The following NECTIN3 variants were observed in gnomAD, a reference collection of about 807,000 sequenced individuals.
NECTIN3 encodes nectin-3.
NECTIN3 carries 8 observed loss-of-function variants against 49.4 expected under a neutral mutation model. The observed-to-expected ratio is 0.16, with a 90% CI of 0.10 to 0.29. The LOEUF is 0.29. Among genes scored for constraint, NECTIN3 ranks in the 10% least tolerant of loss-of-function variants. The pLI is 1.00. For missense variants in NECTIN3, 581 were observed against 654.6 expected, an observed-to-expected ratio of 0.89 and a Z score of 1.23; for synonymous variants, 277 against 241.1, an observed-to-expected ratio of 1.15 and a Z score of -1.38.
chr3:111,164,509 C>T (rs985060927), intron 7 of NECTIN3, among the ~76,000 whole-genome samples: 8 of 152,074 alleles, frequency 5.3e-5, no homozygotes, highest in Non-Finnish European at 2.9e-5. Flanking sequence ...GTACCAAAAA[C>T]TGGGTGACTT....
Position 111,136,862 on chromosome 3 carries a change from G to C in NECTIN3, c.*2647G>C, listed in dbSNP as rs2034595107. The C allele has an allele frequency of 2.1e-6, 2 of 962,280 alleles. No individual in the cohort carries two copies. The highest frequency in any genetic ancestry group is 1.8e-5 in the African/African-American group (1 of 56,614). The allele number at this position is 962,280 out of a possible 1,614,324, so 59.6% of individuals were successfully genotyped here. A position where few individuals can be genotyped will look rare whatever the true frequency, so the allele number is the denominator to read the frequency against. On this transcript the variant is annotated 3_prime_UTR_variant, in exon 6 of 6. Coordinates refer to ENST00000485303, the MANE Select transcript of NECTIN3 (RefSeq NM_015480.3). ...CTGCCATTTTTTATTAAAATACATT[G>C]AAACTAAAGTAGGCTCGGGGTTAAC...
At chr3:111,186,818 T>C (rs931911079) in intron 7 of NECTIN3, among the ~76,000 whole-genome samples, 23 of 152,122 alleles carry the variant, frequency 1.5e-4, no homozygotes, top group African/African-American at 5.6e-4. Flanking sequence ...TACATGTAAG[T>C]AGAGAAGTTG....
intron 7 of NECTIN3, among the ~76,000 whole-genome samples, chr3:111,172,080 C>G (rs2035443637): frequency 6.6e-6 from 1 of 152,134 alleles, no homozygotes; most frequent in African/African-American, 2.4e-5. Context: ...TATTTTAAGA[C>G]TTTTCTCCAT....
chr3:111,080,509 G>T (rs138864447), intron 1 of NECTIN3, among the ~76,000 whole-genome samples: 3 of 152,124 alleles, frequency 2.0e-5, no homozygotes, highest in African/African-American at 7.2e-5. Context: ...CTGTTGCTTT[G>T]CTGCCCTCTA....
chr3:111,177,922 T>C (rs1452538806), intron 7 of NECTIN3, among the ~76,000 whole-genome samples: 2 of 152,230 alleles, frequency 1.3e-5, no homozygotes, highest in Non-Finnish European at 2.9e-5. Context: ...CTATCTGCTT[T>C]AATTAGGTAC....
At chr3:111,182,168 G>A (rs67209183) in intron 7 of NECTIN3, among the ~76,000 whole-genome samples, 44,261 of 151,628 alleles carry the variant, frequency 0.29, 12,276 homozygotes, top group African/African-American at 0.71. Context: ...TTTATTTTTC[G>A]TTAATTTTTT....
chr3:111,158,359 G>A (rs1165889992), intron 7 of NECTIN3, among the ~76,000 whole-genome samples: 3 of 151,966 alleles, frequency 2.0e-5, no homozygotes, highest in African/African-American at 4.8e-5. Context: ...GGCACTTTAC[G>A]GAAGGTAATA....
rs1056635093 is a variant in NECTIN3 at position 111,072,655 on chromosome 3, C to A, written c.160+478C>A. 34 of 1,332,956 alleles carry A rather than the reference C, an allele frequency of 2.6e-5. No individual in the cohort carries two copies. The African/African-American group carries it at 4.4e-4, about 17-fold the overall frequency. The allele number at this position is 1,332,956 out of a possible 1,614,324, so 82.6% of individuals were successfully genotyped here. On this transcript the variant is annotated intron_variant, in intron 1 of 5. Transcript: ENST00000485303. ...ATGGCCTTCCACCCTGGAGAAGGCACCATTTTAGCCCACCCAGCCGCAGAA... is the reference window on the plus strand; with the variant it reads ...ATGGCCTTCCACCCTGGAGAAGGCAACATTTTAGCCCACCCAGCCGCAGAA...
At chr3:111,186,448 A>G (rs980965256) in intron 7 of NECTIN3, among the ~76,000 whole-genome samples, 7 of 152,182 alleles carry the variant, frequency 4.6e-5, no homozygotes, top group Non-Finnish European at 8.8e-5. Flanking sequence ...AACAAAAAAC[A>G]AGCAATGAGG....
At chr3:111,133,584 T>C (rs777195960) in intron 5 of NECTIN3, 51 bp from the exon 6 acceptor site, 14 of 1,560,144 alleles carry the variant, frequency 9.0e-6, no homozygotes, top group African/African-American at 2.7e-5. Flanking sequence ...TCAGCCTGCA[T>C]TGACATTCTT....
upstream of NECTIN3, among the ~76,000 whole-genome samples, chr3:111,189,721 A>G (rs1278307530): frequency 6.6e-6 from 1 of 152,222 alleles, no homozygotes; most frequent in Non-Finnish European, 1.5e-5. Flanking sequence ...TTCCTGAGGC[A>G]CAGTGCAAAA....
chr3:111,169,368 A>C (rs2035390568), intron 7 of NECTIN3, among the ~76,000 whole-genome samples: 1 of 142,654 alleles, frequency 7.0e-6, no homozygotes, highest in African/African-American at 2.7e-5. Flanking sequence ...GGGATTACAA[A>C]CGCAAACTTT....
intron 1 of NECTIN3, chr3:111,072,542 G>T: frequency 6.5e-7 from 1 of 1,535,788 alleles, no homozygotes; most frequent in Non-Finnish European, 8.7e-7. Flanking sequence ...CACGTTTGCC[G>T]CTTTTTTTCC....
chr3:111,098,308 T>C (rs1242335147), intron 1 of NECTIN3, among the ~76,000 whole-genome samples: 1 of 152,216 alleles, frequency 6.6e-6, no homozygotes, highest in East Asian at 1.9e-4. Context: ...CTATAACACA[T>C]TATCATAAAC....
intron 7 of NECTIN3, among the ~76,000 whole-genome samples, chr3:111,161,342 T>C (rs945262752): frequency 6.6e-6 from 1 of 152,166 alleles, no homozygotes; most frequent in Non-Finnish European, 1.5e-5. Context: ...CCCACTGCCA[T>C]GGTTGGGCCT....
intron 7 of NECTIN3, among the ~76,000 whole-genome samples, chr3:111,147,712 T>A (rs2034908886): frequency 6.6e-6 from 1 of 152,168 alleles, no homozygotes. Flanking sequence ...TCAAATTTTG[T>A]CAACAAACAA....
In NECTIN3 at chr3:111,072,003, G is replaced by A. The variant is rs1357815278; in HGVS notation, c.-15G>A. The A allele has an allele frequency of 1.3e-6, 2 of 1,483,916 alleles. No individual in the cohort carries two copies. Among genetic ancestry groups the A allele is most frequent in the Non-Finnish European group, 1.8e-6 (2 of 1,115,662 alleles). 91.9% of individuals were successfully genotyped at this position (1,483,916 alleles called of 1,614,324 possible). A position where few individuals can be genotyped will look rare whatever the true frequency, so the allele number is the denominator to read the frequency against. On this transcript the variant is annotated 5_prime_UTR_variant, in exon 1 of 6. Coordinates refer to ENST00000485303, the MANE Select transcript of NECTIN3 (RefSeq NM_015480.3). ...GGGGGGCGGGCGGGCGAGCGGGCCG[G>A]GGGGAGGGTGGGGGATGGCGCGGAC... is the stretch of plus-strand genomic sequence containing the variant.
At chr3:111,168,169 G>A (rs748636369) in intron 7 of NECTIN3, among the ~76,000 whole-genome samples, 11 of 151,780 alleles carry the variant, frequency 7.2e-5, no homozygotes, top group East Asian at 1.9e-4. Context: ...CCAGATAAGG[G>A]GAAAAAATAA....
intron 1 of NECTIN3, among the ~76,000 whole-genome samples, chr3:111,080,015 T>G (rs867935677): frequency 6.6e-6 from 1 of 152,060 alleles, no homozygotes; most frequent in South Asian, 2.1e-4. Context: ...GCCAAAGGAT[T>G]TATAATTTTT....
Sources: gnomAD v4.1 joint callset for allele counts (sites outside exome capture counted in the v4.1 genomes callset) on GRCh38, gnomAD v4.1.1 for gene constraint, MANE v1.5 for transcripts, NCBI Gene and HGNC (gene_info 2026-07-23, HGNC 2026-07-21) for gene names.